Variants in CYFIP2 observed in about 807,000 individuals in gnomAD.
CYFIP2 encodes cytoplasmic FMR1-interacting protein 2.
A neutral mutation model predicts 158.7 loss-of-function variants in CYFIP2; 29 were observed. The observed-to-expected ratio is 0.18, with a 90% CI of 0.14 to 0.25. The LOEUF is 0.25. CYFIP2 is among the 10% of genes least tolerant of loss of function. The pLI is 1.00. For synonymous variants in CYFIP2, 585 were observed against 617.6 expected, an observed-to-expected ratio of 0.95 and a Z score of 0.78; for missense variants, 852 against 1,639.5, an observed-to-expected ratio of 0.52 and a Z score of 8.29.
intron 24 of CYFIP2, 55 bp downstream of exon 24, chr5:157,359,203 CAA>C: frequency 6.3e-7 from 1 of 1,599,890 alleles, no homozygotes; most frequent in Non-Finnish European, 8.5e-7. Flanking sequence ...TTGACATAAA[CAA>C]AGTTTGCTTT....
Position 157,309,827 on chromosome 5 carries a change from A to G in CYFIP2, c.985A>G (p.Lys329Glu), listed in dbSNP as rs533976899. Reference protein sequence around the residue: ...IKTSAHYEENKSKWTCTQSSI... With the variant: ...IKTSAHYEENESKWTCTQSSI... ...GACCAGTGCTCACTATGAAGAGAAC[A>G]AGTCCAAGTGAGTGCCTGCCGTAAT... The change falls in exon 10 of 31, where the codon AAG becomes GAG. Residue 329 changes from lysine (K) to glutamate (E), a missense_variant. Around this residue, in one of 8 missense-constraint regions of CYFIP2, gnomAD observed 133 missense variants for 197.1 expected, o/e 0.67. Transcript: ENST00000620254. The G allele has an allele frequency of 6.3e-7, 1 of 1,594,888 alleles. No homozygotes were observed. The highest frequency in any genetic ancestry group is 1.8e-5 in the Admixed American group (1 of 57,048).
At chr5:157,282,765 G>A (rs1017616105) in intron 1 of CYFIP2, among the ~76,000 whole-genome samples, 25 of 152,198 alleles carry the variant, frequency 1.6e-4, no homozygotes, top group African/African-American at 6.0e-4. Context: ...CCAACAGCAT[G>A]TGTAGTCAAA....
chr5:157,294,071 C>G (rs1396146428), intron 3 of CYFIP2, among the ~76,000 whole-genome samples: 1 of 152,140 alleles, frequency 6.6e-6, no homozygotes, highest in Non-Finnish European at 1.5e-5. Context: ...GGGAAGGCAC[C>G]AATCTTGTGA....
At position 157,314,394 on chromosome 5, in the gene CYFIP2, C is replaced by T. The variant is rs780117749; in HGVS notation, c.1161C>T (p.Arg387=). 6.2e-6 allele frequency: 10 copies of T among 1,613,886 alleles called. No homozygotes were observed. Among genetic ancestry groups the T allele is most frequent in the East Asian group, 4.5e-5 (2 of 44,876 alleles). The change falls in exon 12 of 31, where the codon CGC becomes CGT. Residue 387 remains arginine, a synonymous_variant. Transcript: ENST00000620254. ...LDSQKSDEEY[R]ELFDLALRGL... is the part of the protein sequence containing the mutation. ...GCCAGAAGTCAGACGAGGAGTATCG[C>T]GAGCTCTTCGACCTAGCCCTGCGGG...
intron 23 of CYFIP2, among the ~76,000 whole-genome samples, chr5:157,354,512 G>A (rs541628033): frequency 2.0e-5 from 3 of 152,054 alleles, no homozygotes; most frequent in East Asian, 3.9e-4. Flanking sequence ...ATGAGTGTGT[G>A]TGTACTTTTC....
At chr5:157,377,208 A>T (rs982570432) in intron 26 of CYFIP2, among the ~76,000 whole-genome samples, 2 of 151,952 alleles carry the variant, frequency 1.3e-5, no homozygotes, top group Non-Finnish European at 2.9e-5. Flanking sequence ...GATGAAAACC[A>T]TCAGGATAAT....
chr5:157,336,889 C>T (rs1276116532), intron 21 of CYFIP2, among the ~76,000 whole-genome samples: 3 of 152,212 alleles, frequency 2.0e-5, no homozygotes, highest in Non-Finnish European at 2.9e-5. Context: ...AAATGTGTTG[C>T]AGAAATATCG....
chr5:157,272,607 C>T (rs1055386759), intron 1 of CYFIP2, among the ~76,000 whole-genome samples: 3 of 152,164 alleles, frequency 2.0e-5, no homozygotes, highest in African/African-American at 7.2e-5. Context: ...TTTATCTATT[C>T]TGCACGTTGT....
chr5:157,355,436 T>C lies in CYFIP2; in HGVS notation c.2674-3569T>C, dbSNP rs185007202. Among the ~76,000 whole-genome samples, 435 of 152,354 alleles carry C rather than the reference T, an allele frequency of 2.9e-3. 3 individuals carry two copies. The highest frequency in any genetic ancestry group is 9.5e-3 in the African/African-American group (393 of 41,582). On this transcript the variant is annotated intron_variant, in intron 23 of 30. Coordinates refer to ENST00000620254, the MANE Select transcript of CYFIP2 (RefSeq NM_001037333.3). ...GGCACCATGCTGACTGCTTTATATA[T>C]GTGATCACATTTAAACCTCAAACAA...
At chr5:157,305,190 T>A (rs1759110571) in intron 8 of CYFIP2, among the ~76,000 whole-genome samples, 1 of 152,232 alleles carries the variant, frequency 6.6e-6, no homozygotes, top group African/African-American at 2.4e-5. Flanking sequence ...ATTTTTGCAA[T>A]TGTGAATTGT....
Position 157,393,208 on chromosome 5 carries a change from A to AAG in CYFIP2, c.*209_*210insGA. ...TGCTGGTTTCTCCATAGCATAAATG[A>AAG]AAAAAAAAAAAAAAAAGTAAACAGG... On this transcript the variant is annotated 3_prime_UTR_variant, in exon 31 of 31. Coordinates refer to ENST00000620254, the MANE Select transcript of CYFIP2 (RefSeq NM_001037333.3). 2 of 32,948 alleles carry AAG rather than the reference A, an allele frequency of 6.1e-5. No individual in the cohort carries two copies. Among genetic ancestry groups the AAG allele is most frequent in the African/African-American group, 5.1e-4 (2 of 3,890 alleles). The allele number at this position is 32,948 out of a possible 1,614,324, so 2.0% of individuals were successfully genotyped here.
chr5:157,268,156 T>C (rs1435226292), intron 1 of CYFIP2, among the ~76,000 whole-genome samples: 2 of 152,266 alleles, frequency 1.3e-5, no homozygotes, highest in Non-Finnish European at 2.9e-5. Flanking sequence ...TTGTGCGCAC[T>C]GAGCCTCTGG....
intron 26 of CYFIP2, chr5:157,377,072 T>C (rs1765555556): frequency 3.1e-6 from 1 of 319,258 alleles, no homozygotes; most frequent in Non-Finnish European, 6.3e-6. Flanking sequence ...CACTTCCTTC[T>C]ATCTCCTTTG....
In CYFIP2 at chr5:157,320,661, A is replaced by G. The variant is rs1823035; in HGVS notation, c.1530A>G (p.Leu510=). ...RKKKNVLISV[L]QAIRKTICDW... is the part of the protein sequence containing the mutation. ...TTAGTTCTTCCTTCCCCAGCGTCCT[A>G]CAGGCAATTCGAAAGACCATCTGTG... Residue 510 remains leucine (L), a synonymous_variant, in exon 15 of 31, where the codon CTA becomes CTG. Transcript: ENST00000620254. 0.28 allele frequency: 448,471 copies of G among 1,613,012 alleles called. 65,539 individuals are homozygous for G. The highest frequency in any genetic ancestry group is 0.48 in the African/African-American group (36,259 of 74,942).
chr5:157,367,270 T>G (rs908757047), intron 26 of CYFIP2, among the ~76,000 whole-genome samples: 1 of 152,256 alleles, frequency 6.6e-6, no homozygotes, highest in African/African-American at 2.4e-5. Context: ...CTTTATAGGA[T>G]GTTGAACAGC....
At position 157,304,331 on chromosome 5, in the gene CYFIP2, T is replaced by C. The variant is rs751739881; in HGVS notation, c.760T>C (p.Tyr254His). Reference sequence around the variant, plus strand: ...TGTGGATTACTACGAGAACAAGATGTACCTGACTCCCAGTGAGAAACATAT... The same window carrying C: ...TGTGGATTACTACGAGAACAAGATGCACCTGACTCCCAGTGAGAAACATAT... ...ICVDYYENKM[Y>H]LTPSEKHMLL... The change falls in exon 8 of 31, where the codon TAC becomes CAC. Residue 254 changes from tyrosine to histidine, a missense_variant. Tyr to His is a moderately conservative substitution (Grantham distance 83). Coordinates refer to ENST00000620254, the MANE Select transcript of CYFIP2 (RefSeq NM_001037333.3). The C allele has an allele frequency of 6.2e-7, 1 of 1,613,984 alleles. No homozygotes were observed. Among genetic ancestry groups the C allele is most frequent in the South Asian group, 1.1e-5 (1 of 91,084 alleles).
chr5:157,325,676 G>C, intron 17 of CYFIP2, 38 bp downstream of exon 17: 6 of 1,555,630 alleles, frequency 3.9e-6, no homozygotes, highest in Non-Finnish European at 4.4e-6. Flanking sequence ...GGCTCCTGGG[G>C]TACAAGTAGA....
At chr5:157,302,006 C>G (rs930957161) in intron 6 of CYFIP2, among the ~76,000 whole-genome samples, 1 of 152,210 alleles carries the variant, frequency 6.6e-6, no homozygotes, top group Admixed American at 6.5e-5. Flanking sequence ...GGCCCCATCT[C>G]AAGGCTGACT....
At chr5:157,294,688 A>G (rs886598367) in intron 3 of CYFIP2, 95 bp from the exon 4 acceptor site, 10 of 986,570 alleles carry the variant, frequency 1.0e-5, no homozygotes, top group Admixed American at 1.0e-4. Flanking sequence ...CTGTGGGTCC[A>G]TGGACCATAC....
Sources: allele counts gnomAD v4.1 joint callset (sites outside exome capture counted in the v4.1 genomes callset), GRCh38; gene constraint gnomAD v4.1.1; regional missense constraint gnomAD v4.1.1; transcripts MANE v1.5; gene names NCBI Gene and HGNC (gene_info 2026-07-23, HGNC 2026-07-21).